ALG13: variants seen among roughly 807,000 people sequenced by gnomAD.
The protein encoded by ALG13 is ALG13 UDP-N-acetylglucosaminyltransferase subunit, also known as UDP-N-acetylglucosamine transferase subunit ALG13.
In ALG13, 11 loss-of-function variants were observed where a neutral mutation model predicts 87.8. The ratio of observed to expected loss-of-function variants is 0.13; its 90% CI spans 0.08 to 0.21. The LOEUF (loss-of-function observed/expected upper bound fraction) is 0.21. Ranked by LOEUF, ALG13 falls within the 10% of genes least tolerant of loss-of-function variation. ALG13 has a pLI of 1.00. For synonymous variants in ALG13, 320 were observed against 306.3 expected (o/e 1.04, Z -0.47); for missense variants, 756 against 866.1 (o/e 0.87, Z 1.60).
intron 10 of ALG13, among the ~76,000 whole-genome samples, chrX:111,719,266 C>T (rs751364807): frequency 2.5e-3 from 274 of 110,475 alleles, no homozygotes; most frequent in African/African-American, 8.7e-3. Context: ...ACCTCGTGAT[C>T]CATCCGCCTC....
intron 13 of ALG13, 115 bp from the exon 14 acceptor site, chrX:111,723,683 G>T: frequency 2.2e-6 from 1 of 464,231 alleles, no homozygotes; most frequent in Non-Finnish European, 3.7e-6. Context: ...TGGCAGTGTT[G>T]ATACGAATTA....
chrX:111,704,807 TTAAG>T (rs1299006721), intron 3 of ALG13, among the ~76,000 whole-genome samples: 1 of 111,967 alleles, frequency 8.9e-6, no homozygotes, highest in East Asian at 2.8e-4. Context: ...ATTGTATACT[TTAAG>T]TGGGTGAATT....
At chrX:111,746,748 A>G (rs1317688625) in intron 24 of ALG13, among the ~76,000 whole-genome samples, 1 of 112,250 alleles carries the variant, frequency 8.9e-6, no homozygotes, top group Non-Finnish European at 1.9e-5. Context: ...TACTTTTATA[A>G]GTAACTGCCA....
intron 1 of ALG13, 25 bp from the exon 2 acceptor site, chrX:111,682,107 C>T (rs774810032): frequency 1.7e-6 from 2 of 1,153,483 alleles, no homozygotes; most frequent in South Asian, 4.2e-5. Flanking sequence ...TTAAAAGGCC[C>T]TCACATTCTG....
At chrX:111,759,409 A>G (rs1156441987) in intron 26 of ALG13, among the ~76,000 whole-genome samples, 1 of 111,291 alleles carries the variant, frequency 9.0e-6, no homozygotes, top group Non-Finnish European at 1.9e-5. Context: ...CTCAATTGTG[A>G]CCACCTCTTA....
chrX:111,720,010 A>G (rs1483173900), intron 10 of ALG13, 85 bp from the exon 11 acceptor site: 5 of 580,263 alleles, frequency 8.6e-6, no homozygotes, highest in East Asian at 7.4e-5. Context: ...TTAATTTACC[A>G]CTAGGTGGTG....
At chrX:111,724,770 A>G (rs1941786703) in intron 14 of ALG13, among the ~76,000 whole-genome samples, 164 bp from the exon 15 acceptor site, 1 of 112,558 alleles carries the variant, frequency 8.9e-6, no homozygotes, top group African/African-American at 3.2e-5. Flanking sequence ...AAATTGTACA[A>G]ACTACTCTTA....
chrX:111,684,916 CCTTAA>C (rs1169547060), intron 2 of ALG13, 44 bp from the exon 3 acceptor site: 2 of 1,146,335 alleles, frequency 1.7e-6, no homozygotes, highest in African/African-American at 3.6e-5. Context: ...TTCGTGGGGA[CCTTAA>C]CTTATTTCAA....
chrX:111,704,898 A>G (rs1480144765), intron 3 of ALG13, among the ~76,000 whole-genome samples: 1 of 112,038 alleles, frequency 8.9e-6, no homozygotes, highest in African/African-American at 3.2e-5. Flanking sequence ...GTGAATATAC[A>G]GAATTGTGCA....
chrX:111,703,054 C>T (rs1214343682), intron 3 of ALG13, among the ~76,000 whole-genome samples: 1 of 110,779 alleles, frequency 9.0e-6, no homozygotes, highest in East Asian at 2.8e-4. Context: ...CTCTTTATCC[C>T]CTGACTTCAG....
intron 13 of ALG13, among the ~76,000 whole-genome samples, 199 bp from the exon 14 acceptor site, chrX:111,723,599 G>A (rs1200707029): frequency 8.9e-6 from 1 of 111,955 alleles, no homozygotes; most frequent in Non-Finnish European, 1.9e-5. Flanking sequence ...TAATGTCTGT[G>A]TTAAATTTTA....
At chrX:111,693,165 T>A (rs35984290) in intron 3 of ALG13, among the ~76,000 whole-genome samples, 2 of 88,110 alleles carry the variant, frequency 2.3e-5, no homozygotes, top group Non-Finnish European at 4.5e-5. Context: ...TTTTTAATTC[T>A]TTTTTTTTTT....
chrX:111,701,105 A>G (rs888558861), intron 3 of ALG13, among the ~76,000 whole-genome samples: 17 of 111,485 alleles, frequency 1.5e-4, no homozygotes, highest in African/African-American at 5.5e-4. Flanking sequence ...GTTGTGGAAT[A>G]TAGCTTGCTA....
chrX:111,730,892 T>C (rs1277335323), intron 21 of ALG13, among the ~76,000 whole-genome samples: 3 of 112,346 alleles, frequency 2.7e-5, no homozygotes, highest in South Asian at 3.7e-4. Context: ...TAGAGGTCTG[T>C]AGAAGGGCTT....
At chrX:111,746,535 G>C (rs902890924) in intron 24 of ALG13, among the ~76,000 whole-genome samples, 5 of 112,028 alleles carry the variant, frequency 4.5e-5, no homozygotes, top group African/African-American at 6.5e-5. Flanking sequence ...GCATTTCATT[G>C]TATGACTGTT....
At chrX:111,688,269 G>A in intron 3 of ALG13, 4 of 758,381 alleles carry the variant, frequency 5.3e-6, no homozygotes, top group South Asian at 6.8e-5. Flanking sequence ...AAGTGGAATT[G>A]GAATCATAAA....
intron 23 of ALG13, chrX:111,743,949 T>C (rs1162188126): frequency 8.9e-6 from 1 of 111,814 alleles, no homozygotes; most frequent in Non-Finnish European, 1.9e-5. Context: ...GTCATACATA[T>C]ATGCAGGTAT....
intron 3 of ALG13, among the ~76,000 whole-genome samples, chrX:111,698,874 C>A (rs935255213): frequency 9.0e-6 from 1 of 111,171 alleles, no homozygotes; most frequent in African/African-American, 3.3e-5. Context: ...TGGATATATA[C>A]CCAGAAGTAG....
In ALG13 at chrX:111,708,029, T is replaced by C; in HGVS notation, c.386T>C (p.Val129Ala). 1 of 1,205,168 alleles carries C rather than the reference T, an allele frequency of 8.3e-7. No homozygotes were observed. The highest frequency in any genetic ancestry group is 1.1e-6 in the Non-Finnish European group (1 of 892,361). Residue 129 changes from valine to alanine, a missense_variant and splice_region_variant, in exon 4 of 27, where the codon GTC becomes GCC. Physicochemically the swap from Val to Ala is moderately conservative, Grantham distance 64 (BLOSUM62 0). Coordinates refer to ENST00000394780, the MANE Select transcript of ALG13 (RefSeq NM_001099922.3). Reference protein sequence around the residue: ...EGHLFYCTCRVLTCPGQAKSI... With the variant: ...EGHLFYCTCRALTCPGQAKSI... ...GGCTCTTCCTCTTCTTTTCACAGGG[T>C]CCTGACTTGTCCTGGGCAAGCCAAG...
Sources: gnomAD v4.1 joint callset for allele counts (sites outside exome capture counted in the v4.1 genomes callset) on GRCh38, gnomAD v4.1.1 for gene constraint, MANE v1.5 for transcripts, NCBI Gene and HGNC (gene_info 2026-07-23, HGNC 2026-07-21) for gene names.